The following SLC25A11 variants were observed in gnomAD, a reference collection of about 807,000 sequenced individuals.
SLC25A11 encodes solute carrier family 25 member 11.
A neutral mutation model predicts 32.7 loss-of-function variants in SLC25A11; 11 were observed. That is an observed-to-expected ratio of 0.34 (90% CI 0.21 to 0.56). The LOEUF (loss-of-function observed/expected upper bound fraction) is 0.56, where lower values mean the gene tolerates loss of function less well. Ranked by LOEUF, SLC25A11 falls within the 20% of genes least tolerant of loss-of-function variation. SLC25A11 has a pLI of 0.90. For missense variants in SLC25A11, 295 were observed against 426.3 expected, an observed-to-expected ratio of 0.69 and a Z score of 2.71; for synonymous variants, 163 against 168.3, an observed-to-expected ratio of 0.97 and a Z score of 0.24.
chr17:4,939,694 C>T lies in SLC25A11; in HGVS notation c.95+122G>A. On this transcript the variant is annotated intron_variant, in intron 1 of 7. Transcript: ENST00000225665. This position sits in a 1 kb window ranked among gnomAD's most constrained non-coding sequence, Gnocchi z 4.1. ...AGCCCATCGGGGAACTCGCAATACG[C>T]TGGAGATCGCGCTGACCCCGTGCCG... The T allele has an allele frequency of 1.3e-6, 1 of 795,194 alleles. No homozygotes were observed. The highest frequency in any genetic ancestry group is 2.8e-5 in the East Asian group (1 of 36,170). 49.3% of individuals were successfully genotyped at this position (795,194 alleles called of 1,614,324 possible).
chr17:4,939,989 C>CA lies in SLC25A11; in HGVS notation c.-80dup, dbSNP rs112296410. The stretch of plus-strand genomic sequence containing the variant: ...GCCCAAGGTGACACCGCGCGCGCAA[C>CA]AGAGCGAGGGCGCGCGCACGCCCCT... On this transcript the variant is annotated 5_prime_UTR_variant, in exon 1 of 8. Transcript: ENST00000225665. The surrounding 1 kb of genome is among the most constrained non-coding windows in gnomAD (Gnocchi z 4.1). 288 of 1,065,240 alleles carry CA rather than the reference C, an allele frequency of 2.7e-4. 6 individuals carry two copies. In the African/African-American group the frequency reaches 3.9e-3, roughly 15 times the overall value. 66.0% of individuals were successfully genotyped at this position (1,065,240 alleles called of 1,614,324 possible). A position where few individuals can be genotyped will look rare whatever the true frequency, so the allele number is the denominator to read the frequency against.
Sources: allele counts gnomAD v4.1 joint callset, GRCh38; gene constraint gnomAD v4.1.1; non-coding constraint Gnocchi (gnomAD v3.1); transcripts MANE v1.5; gene names NCBI Gene and HGNC (gene_info 2026-07-23, HGNC 2026-07-21).